The following PACRGL variants were observed in gnomAD, a reference collection of about 807,000 sequenced individuals.
PACRGL encodes PACRG-like protein.
A neutral mutation model predicts 34.5 loss-of-function variants in PACRGL; 38 were observed. That is an observed-to-expected ratio of 1.10 (90% CI 0.85 to 1.44). PACRGL has a LOEUF of 1.44. Ranked by LOEUF, PACRGL falls within the 40% of genes most tolerant of loss-of-function variation. The pLI, the probability that PACRGL is intolerant of heterozygous loss-of-function variation, is 0.00. For synonymous variants in PACRGL, 128 were observed against 100.1 expected (o/e 1.28, Z -1.66); for missense variants, 305 against 281.4 (o/e 1.08, Z -0.60).
intron 8 of PACRGL, among the ~76,000 whole-genome samples, chr4:20,750,546 A>G (rs896844197): frequency 1.3e-5 from 2 of 152,148 alleles, no homozygotes; most frequent in African/African-American, 2.4e-5. Context: ...GTTTGCTTCT[A>G]TTGGGTATTC....
At chr4:20,707,287 T>C (rs1414105289) in intron 3 of PACRGL, among the ~76,000 whole-genome samples, 2,489 of 152,232 alleles carry the variant, frequency 0.016, 1 homozygote, top group African/African-American at 0.057. Flanking sequence ...GGTTATGAAG[T>C]TATATATCTA....
At chr4:20,749,914 A>C (rs1176410483) in intron 8 of PACRGL, among the ~76,000 whole-genome samples, 1 of 152,206 alleles carries the variant, frequency 6.6e-6, no homozygotes, top group Non-Finnish European at 1.5e-5. Flanking sequence ...CACAGGAAGA[A>C]GCAACCTACA....
chr4:20,714,449 T>C (rs1266431570), intron 7 of PACRGL, among the ~76,000 whole-genome samples: 2 of 152,218 alleles, frequency 1.3e-5, no homozygotes, highest in East Asian at 3.9e-4. Context: ...TGACTCTTTA[T>C]CCAATATGCC....
chr4:20,738,662 C>T lies in PACRGL; in HGVS notation c.*56+11265C>T, dbSNP rs138174237. ...ACATAGGAACAGCTCCAGTCTACAG[C>T]TCCCAGCATGAGCAACGCAGAAGAT... On this transcript the variant is annotated intron_variant, in intron 8 of 8. Coordinates refer to the PACRGL transcript ENST00000507634. 4.1e-3 allele frequency among the ~76,000 whole-genome samples: 628 copies of T among 152,340 alleles called. 9 individuals carry two copies. Among genetic ancestry groups the T allele is most frequent in the African/African-American group, 0.014 (594 of 41,580 alleles).
chr4:20,734,746 A>G (rs777174622), downstream of PACRGL: 1 of 1,471,958 alleles, frequency 6.8e-7, no homozygotes, highest in Non-Finnish European at 9.3e-7. Flanking sequence ...CTGAAAAGAA[A>G]TAAAAATTCA....
chr4:20,728,096 C>T lies in PACRGL; in HGVS notation c.*755C>T, dbSNP rs1746498078. 1 of 152,122 alleles carries T rather than the reference C, an allele frequency of 6.6e-6. No individual in the cohort carries two copies. Among genetic ancestry groups the T allele is most frequent in the Non-Finnish European group, 1.5e-5 (1 of 68,038 alleles). The allele number at this position is 152,122 out of a possible 1,614,324, so 9.4% of individuals were successfully genotyped here. ...GCCACCATGCCTGGCCCCATGAATACACTACTAATATTATTTGTAAATATG... is the reference window on the plus strand; with the variant it reads ...GCCACCATGCCTGGCCCCATGAATATACTACTAATATTATTTGTAAATATG... On this transcript the variant is annotated 3_prime_UTR_variant, in exon 9 of 9. Coordinates refer to ENST00000503585, the MANE Select transcript of PACRGL (RefSeq NM_001258345.3).
At chr4:20,762,011 T>G in the PACRGL span, among the ~76,000 whole-genome samples, 9 of 152,268 alleles carry the variant, frequency 5.9e-5, no homozygotes, top group South Asian at 1.7e-3. Context: ...TCTATCCAAC[T>G]AGAAGAATAA....
downstream of PACRGL, among the ~76,000 whole-genome samples, chr4:20,733,172 G>A (rs775878263): frequency 7.9e-5 from 12 of 151,916 alleles, no homozygotes; most frequent in Admixed American, 2.0e-4. Flanking sequence ...TCAAATATAC[G>A]GCACATCGTA....
At chr4:20,749,636 T>C (rs370308743) in intron 8 of PACRGL, 2 of 1,498,344 alleles carry the variant, frequency 1.3e-6, no homozygotes, top group Non-Finnish European at 9.2e-7. Flanking sequence ...AATAGTCAAA[T>C]GATATGAAAA....
rs1747438315 is a variant in PACRGL at position 20,729,732 on chromosome 4, T to A, written c.*2391T>A. 1 of 186,862 alleles carries A rather than the reference T, an allele frequency of 5.4e-6. No homozygotes were observed. Among genetic ancestry groups the A allele is most frequent in the Admixed American group, 6.1e-5 (1 of 16,506 alleles). The allele number at this position is 186,862 out of a possible 1,614,324, so 11.6% of individuals were successfully genotyped here. On this transcript the variant is annotated 3_prime_UTR_variant, in exon 9 of 9. Coordinates refer to ENST00000503585, the MANE Select transcript of PACRGL (RefSeq NM_001258345.3). ...AATCCTAGGACTGAATACATACAAA[T>A]GAGTAGCAAAAAACACTGATATTTT...
downstream of PACRGL, among the ~76,000 whole-genome samples, chr4:20,735,621 C>T (rs1329104848): frequency 2.0e-5 from 3 of 151,384 alleles, no homozygotes; most frequent in Non-Finnish European, 4.4e-5. Context: ...CTTCCACCTC[C>T]CACCTCCCAG....
chr4:20,703,477 AGTGTGTGT>A (rs34932810), intron 1 of PACRGL, among the ~76,000 whole-genome samples: 2,484 of 141,546 alleles, frequency 0.018, 38 homozygotes, highest in Middle Eastern at 0.035. Flanking sequence ...TGGGTATATG[AGTGTGTGT>A]GTGTGTGTGT....
intron 8 of PACRGL, among the ~76,000 whole-genome samples, chr4:20,743,792 CT>C (rs1221162762): frequency 6.6e-6 from 1 of 152,072 alleles, no homozygotes; most frequent in Non-Finnish European, 1.5e-5. Flanking sequence ...AACTAAGGAA[CT>C]TCTGCACAGC....
At chr4:20,716,272 C>A in intron 7 of PACRGL, 1 of 650,786 alleles carries the variant, frequency 1.5e-6, no homozygotes, top group Non-Finnish European at 2.7e-6. Context: ...AGGGCAGGGT[C>A]CATGAGAGAC....
At chr4:20,715,910 G>T (rs1464845338) in intron 7 of PACRGL, among the ~76,000 whole-genome samples, 1 of 152,118 alleles carries the variant, frequency 6.6e-6, no homozygotes, top group African/African-American at 2.4e-5. Context: ...TGAATGGTAA[G>T]ATGGTATTAT....
chr4:20,714,788 G>A (rs1264377642), intron 7 of PACRGL, among the ~76,000 whole-genome samples: 3 of 152,148 alleles, frequency 2.0e-5, no homozygotes, highest in Non-Finnish European at 4.4e-5. Flanking sequence ...GTGTTGGAGA[G>A]GATGTGGAGA....
At chr4:20,701,048 GT>G (rs1731939498) in intron 1 of PACRGL, among the ~76,000 whole-genome samples, 2 of 152,288 alleles carry the variant, frequency 1.3e-5, no homozygotes, top group African/African-American at 4.8e-5. Context: ...TGGGCTCTGG[GT>G]CTTTTAGAAT....
intron 8 of PACRGL, among the ~76,000 whole-genome samples, chr4:20,744,673 C>T (rs535742914): frequency 3.9e-5 from 6 of 152,092 alleles, no homozygotes; most frequent in East Asian, 1.9e-4. Context: ...ATGTAAATGA[C>T]GTGTTAATGG....
At chr4:20,702,361 C>G (rs759049832) in intron 1 of PACRGL, 89 of 358,036 alleles carry the variant, frequency 2.5e-4, no homozygotes, top group Non-Finnish European at 4.6e-4. Flanking sequence ...GAAATTGGAC[C>G]TCAGCTGGTC....
Sources: gnomAD v4.1 joint callset for allele counts (sites outside exome capture counted in the v4.1 genomes callset) on GRCh38, gnomAD v4.1.1 for gene constraint, MANE v1.5 for transcripts, NCBI Gene and HGNC (gene_info 2026-07-23, HGNC 2026-07-21) for gene names.